Variants in APBA3 observed in about 807,000 individuals in gnomAD.
The protein encoded by APBA3 is amyloid beta precursor protein binding family A member 3.
APBA3 carries 45 observed loss-of-function variants against 55.9 expected under a neutral mutation model. The ratio of observed to expected loss-of-function variants is 0.80; its 90% CI spans 0.63 to 1.03. APBA3 has a LOEUF of 1.03. Among genes scored for constraint, APBA3 ranks in the 50% least tolerant of loss-of-function variants. The pLI, the probability that APBA3 is intolerant of heterozygous loss-of-function variation, is 0.00. For synonymous variants in APBA3, 370 were observed against 353.3 expected, an observed-to-expected ratio of 1.05 and a Z score of -0.53; for missense variants, 865 against 820.3, an observed-to-expected ratio of 1.05 and a Z score of -0.67.
At chr19:3,758,242 C>A (rs958600693) in intron 3 of APBA3, among the ~76,000 whole-genome samples, 1 of 151,930 alleles carries the variant, frequency 6.6e-6, no homozygotes, top group Admixed American at 6.6e-5. Context: ...CTTATGCACA[C>A]TGAAATTTGA....
intron 9 of APBA3, 41 bp from the exon 10 acceptor site, chr19:3,751,370 G>A (rs1476068757): frequency 1.3e-6 from 2 of 1,515,936 alleles, no homozygotes; most frequent in South Asian, 2.5e-5. Flanking sequence ...GGTGGGGGCT[G>A]CTCAGGGGCC....
rs2037124921 is a variant in APBA3 at position 3,759,993 on chromosome 19, AG to A, written c.271del (p.Leu91TrpfsTer42). 6.2e-7 allele frequency: 1 copy of A among 1,610,646 alleles called. No homozygotes were observed. The highest frequency in any genetic ancestry group is 8.5e-7 in the Non-Finnish European group (1 of 1,179,218). ...GGCATCAGCAATCTCCTGGGAGGCCAGGCCATGGCCTGTGGCAATGTGTAGG... is the reference window on the plus strand; with the variant it reads ...GGCATCAGCAATCTCCTGGGAGGCCAGCCATGGCCTGTGGCAATGTGTAGG... ...CPLHIATGHG[L>X]ASQEIADAHG... On this transcript the variant is annotated frameshift_variant, in exon 2 of 11. Coordinates refer to ENST00000316757, the MANE Select transcript of APBA3 (RefSeq NM_004886.4). LOFTEE classifies it high-confidence loss of function.
At chr19:3,758,126 G>C (rs1410045337) in intron 3 of APBA3, among the ~76,000 whole-genome samples, 2 of 151,950 alleles carry the variant, frequency 1.3e-5, no homozygotes, top group Admixed American at 6.6e-5. Flanking sequence ...GTAGAGACGG[G>C]GTTTCACCAA....
chr19:3,752,058 A>G (rs1423094466), intron 8 of APBA3, among the ~76,000 whole-genome samples: 1 of 152,172 alleles, frequency 6.6e-6, no homozygotes, highest in Non-Finnish European at 1.5e-5. Context: ...TACAAAAAAT[A>G]AAACAATAAA....
chr19:3,752,517 G>C lies in APBA3; in HGVS notation c.1386C>G (p.Ala462=). The C allele has an allele frequency of 6.3e-7, 1 of 1,575,424 alleles. No homozygotes were observed. Among genetic ancestry groups the C allele is most frequent in the Non-Finnish European group, 8.6e-7 (1 of 1,166,130 alleles). Reference sequence around the variant, plus strand: ...ACACCAGGAAACTCACGCGGACAGCGGCCTGGCACGCAGCCAGGGGCAGCC... The same window carrying C: ...ACACCAGGAAACTCACGCGGACAGCCGCCTGGCACGCAGCCAGGGGCAGCC... The part of the protein sequence containing the change: ...LVGLPLAACQ[A]AVRETKSQTS... The change falls in exon 8 of 11, where the codon GCC becomes GCG. Residue 462 remains alanine (A), a synonymous_variant. Transcript: ENST00000316757.
intron 1 of APBA3, 70 bp from the exon 2 acceptor site, chr19:3,760,371 T>C: frequency 2.8e-6 from 3 of 1,061,240 alleles, no homozygotes; most frequent in Non-Finnish European, 4.0e-6. Context: ...TCCCAGAATT[T>C]TGGGAGGCCC....
intron 6 of APBA3, 174 bp from the exon 7 acceptor site, chr19:3,753,164 G>C (rs1294608322): frequency 1.4e-6 from 1 of 714,516 alleles, no homozygotes; most frequent in Non-Finnish European, 2.3e-6. Flanking sequence ...GCATCTTGGG[G>C]AATCTACGGG....
intron 3 of APBA3, 122 bp from the exon 4 acceptor site, chr19:3,754,462 C>T: frequency 7.5e-7 from 1 of 1,336,110 alleles, no homozygotes; most frequent in Non-Finnish European, 1.0e-6. Context: ...TAGCACTCTC[C>T]AGCCAGGAAG....
intron 3 of APBA3, among the ~76,000 whole-genome samples, chr19:3,757,898 A>T (rs2037097161): frequency 6.6e-6 from 1 of 152,234 alleles, no homozygotes; most frequent in African/African-American, 2.4e-5. Context: ...ACCAAGCATG[A>T]TGTGTACCAA....
chr19:3,757,498 C>T (rs1208744626), intron 3 of APBA3, among the ~76,000 whole-genome samples: 1 of 152,136 alleles, frequency 6.6e-6, no homozygotes, highest in Non-Finnish European at 1.5e-5. Context: ...TTTTGGGAGG[C>T]CGAGGCGGGT....
At position 3,752,596 on chromosome 19, in the gene APBA3, C is replaced by T. The variant is rs1331623620; in HGVS notation, c.1307G>A (p.Gly436Glu). The T allele has an allele frequency of 1.3e-6, 2 of 1,585,862 alleles. No individual in the cohort carries two copies. The highest frequency in any genetic ancestry group is 1.7e-4 in the Middle Eastern group (1 of 5,950). Residue 436 changes from glycine to glutamate, a missense_variant, in exon 8 of 11, where the codon GGG becomes GAG. Physicochemically the swap from Gly to Glu is moderately conservative, Grantham distance 98. Transcript: ENST00000316757. ...CAGGCGGTCCCCGATGCTGAGGGCCCCCGAGCGCTCAGCAGGCCCCCCGTG... is the reference window on the plus strand; with the variant it reads ...CAGGCGGTCCCCGATGCTGAGGGCCTCCGAGCGCTCAGCAGGCCCCCCGTG... ...LLHGGPAERS[G>E]ALSIGDRLTA...
chr19:3,751,369 T>C, intron 9 of APBA3, 40 bp from the exon 10 acceptor site: 2 of 1,515,286 alleles, frequency 1.3e-6, no homozygotes, highest in Non-Finnish European at 1.8e-6. Context: ...AGGTGGGGGC[T>C]GCTCAGGGGC....
chr19:3,751,034 A>G lies in APBA3; in HGVS notation c.1720T>C (p.Tyr574His), dbSNP rs1356226308. Residue 574 changes from tyrosine (Y) to histidine (H), a missense_variant, in exon 11 of 11, where the codon TAC (tyrosine) becomes CAC (histidine). Coordinates refer to ENST00000316757, the MANE Select transcript of APBA3 (RefSeq NM_004886.4). Reference sequence around the variant, plus strand: ...GGCAAGGGATGAGGTGGTCACAGGTACACGGGCTGCTCCTGGCCTGTAAGG... The same window carrying G: ...GGCAAGGGATGAGGTGGTCACAGGTGCACGGGCTGCTCCTGGCCTGTAAGG... ...RLLTGQEQPV[Y>H]L 6.4e-7 allele frequency: 1 copy of G among 1,559,820 alleles called. No individual in the cohort carries two copies. The highest frequency in any genetic ancestry group is 1.4e-5 in the African/African-American group (1 of 73,648).
intron 3 of APBA3, among the ~76,000 whole-genome samples, chr19:3,757,355 C>T (rs2037089997): frequency 6.6e-6 from 1 of 152,182 alleles, no homozygotes; most frequent in African/African-American, 2.4e-5. Flanking sequence ...GATCCTCCCA[C>T]ATCAGCCTTT....
Position 3,759,757 on chromosome 19 carries a change from T to C in APBA3, c.508A>G (p.Ser170Gly). 1 of 1,612,628 alleles carries C rather than the reference T, an allele frequency of 6.2e-7. No homozygotes were observed. Among genetic ancestry groups the C allele is most frequent in the Non-Finnish European group, 8.5e-7 (1 of 1,179,816 alleles). Residue 170 changes from serine (S) to glycine (G), a missense_variant, in exon 2 of 11, where the codon AGT becomes GGT. By Grantham distance (56) the Ser-to-Gly change is moderately conservative. Coordinates refer to ENST00000316757, the MANE Select transcript of APBA3 (RefSeq NM_004886.4). ...GTCTCCAGCCAGGGTTCCGGGGAAC[T>C]GCTTGAGCTCCTGCTGCCCTCCTGC... Reference protein sequence around the residue: ...AEQEGSRSSSSSPEPWLETVP... With the variant: ...AEQEGSRSSSGSPEPWLETVP...
Position 3,761,688 on chromosome 19 carries a change from C to G in APBA3, c.-190G>C, listed in dbSNP as rs1198444192. The G allele has an allele frequency of 6.6e-6, 1 of 152,286 alleles. No homozygotes were observed. The highest frequency in any genetic ancestry group is 1.5e-5 in the Non-Finnish European group (1 of 68,078). The allele number at this position is 152,286 out of a possible 1,614,324, so 9.4% of individuals were successfully genotyped here. The stretch of plus-strand genomic sequence containing the variant: ...TCCTCTATCCGCGCAGAGCCCTGGC[C>G]CATTGAGCATGCGCGGCCTCGCGAG... On this transcript the variant is annotated 5_prime_UTR_variant, in exon 1 of 11. Coordinates refer to ENST00000316757, the MANE Select transcript of APBA3 (RefSeq NM_004886.4).
At position 3,754,047 on chromosome 19, in the gene APBA3, C is replaced by T; in HGVS notation, c.821G>A (p.Arg274Lys). Residue 274 changes from arginine (R) to lysine (K), a missense_variant, in exon 5 of 11, where the codon AGG (arginine) becomes AAG (lysine). Arg to Lys is a conservative substitution (Grantham distance 26). Transcript: ENST00000316757. ...GGAGTCCGCTGTCAAGACCTTGATC[C>T]TCTTGGTGGAGACGAACAGGTCCAC... ...TEVDLFVSTK[R>K]IKVLTADSQE... 6.2e-7 allele frequency: 1 copy of T among 1,611,284 alleles called. No individual in the cohort carries two copies. Among genetic ancestry groups the T allele is most frequent in the East Asian group, 2.2e-5 (1 of 44,806 alleles).
rs1421541005 is a variant in APBA3, at chr19:3,752,696, C to A, written c.1207G>T (p.Glu403Ter). Residue 403 changes from glutamate (E) to a stop codon, truncating the protein, a stop_gained, in exon 8 of 11, where the codon GAG (glutamate) becomes TAG (stop). Coordinates refer to ENST00000316757, the MANE Select transcript of APBA3 (RefSeq NM_004886.4). LOFTEE classifies it high-confidence loss of function. ...TCCACCAGGGCCACGCCCAGGCCCT[C>A]CCCTCGCCGCTTCTCGAGGTGCACC... ...REVHLEKRRG[E>*]GLGVALVESG... 1 of 1,595,478 alleles carries A rather than the reference C, an allele frequency of 6.3e-7. No individual in the cohort carries two copies. The highest frequency in any genetic ancestry group is 1.7e-5 in the Admixed American group (1 of 58,386).
chr19:3,753,354 T>C (rs2037033911), intron 6 of APBA3: 1 of 385,750 alleles, frequency 2.6e-6, no homozygotes, highest in South Asian at 4.2e-5. Flanking sequence ...CTTGGAGTCT[T>C]ATAGGAGGCT....
Sources: allele counts gnomAD v4.1 joint callset (sites outside exome capture counted in the v4.1 genomes callset), GRCh38; gene constraint gnomAD v4.1.1; transcripts MANE v1.5; gene names NCBI Gene and HGNC (gene_info 2026-07-23, HGNC 2026-07-21).